Variants in ARHGEF16 observed in about 807,000 individuals in gnomAD.
ARHGEF16 encodes the protein Rho guanine exchange factor (GEF) 16.
ARHGEF16 carries 59 observed loss-of-function variants against 74.1 expected under a neutral mutation model. The observed-to-expected ratio is 0.80, with a 90% confidence interval of 0.65 to 0.99. ARHGEF16 has a LOEUF of 0.99. Among genes scored for constraint, ARHGEF16 ranks in the 50% least tolerant of loss-of-function variants. The pLI, the probability that ARHGEF16 is intolerant of heterozygous loss-of-function variation, is 0.00. For missense variants in ARHGEF16, 948 were observed against 986.6 expected (o/e 0.96, Z 0.52); for synonymous variants, 415 against 412.6 (o/e 1.01, Z -0.07).
In ARHGEF16 at chr1:3,469,470, A is replaced by G; in HGVS notation, c.899A>G (p.Gln300Arg). The G allele has an allele frequency of 6.2e-7, 1 of 1,613,096 alleles. No individual in the cohort carries two copies. The highest frequency in any genetic ancestry group is 8.5e-7 in the Non-Finnish European group (1 of 1,179,978). ...ATCCTCACGTCGGAGTTCTCCTACC[A>G]GCACAGCCTGAGCATCCTGGTGGAG... The part of the protein sequence containing the change: ...FEILTSEFSY[Q>R]HSLSILVEEF... Residue 300 changes from glutamine (Q) to arginine (R), a missense_variant, in exon 6 of 15, where the codon CAG becomes CGG. Transcript: ENST00000378378.
At chr1:3,474,322 A>G in intron 8 of ARHGEF16, 1 of 273,960 alleles carries the variant, frequency 3.7e-6, no homozygotes, top group South Asian at 5.0e-5. Context: ...GACTGAGCTA[A>G]GCTTCCTGAG....
In ARHGEF16 at chr1:3,469,512, A is replaced by G. The variant is rs1415368028; in HGVS notation, c.941A>G (p.Lys314Arg). ...CTGGTGGAGGAGTTCCTGCAGTCCA[A>G]GGAGCTGCGGGCGACCGTGACCCAG... ...SILVEEFLQS[K>R]ELRATVTQME... is the part of the protein sequence containing the mutation. Residue 314 changes from lysine to arginine, a missense_variant, in exon 6 of 15, where the codon AAG becomes AGG. Transcript: ENST00000378378. 1.2e-6 allele frequency: 2 copies of G among 1,613,046 alleles called. No individual in the cohort carries two copies. Among genetic ancestry groups the G allele is most frequent in the South Asian group, 2.2e-5 (2 of 91,080 alleles).
At chr1:3,461,209 C>T (rs1204301432) in intron 1 of ARHGEF16, among the ~76,000 whole-genome samples, 3 of 152,196 alleles carry the variant, frequency 2.0e-5, no homozygotes, top group Admixed American at 6.5e-5. Flanking sequence ...ATGAAAGCAG[C>T]GAGTTTTCTC....
chr1:3,469,603 C>T lies in ARHGEF16; in HGVS notation c.1022+10C>T, dbSNP rs781746959. 40 of 1,612,376 alleles carry T rather than the reference C, an allele frequency of 2.5e-5. No individual in the cohort carries two copies. Among genetic ancestry groups the T allele is most frequent in the Middle Eastern group, 3.3e-4 (2 of 6,084 alleles). ...TGGGTGCCAGTCAGAGGTGAGGCCA[C>T]GCCACAGCCTTCCACACAGGGTCCT... On this transcript the variant is annotated intron_variant, in intron 6 of 14. Transcript: ENST00000378378.
intron 7 of ARHGEF16, 72 bp from the exon 8 acceptor site, chr1:3,473,321 C>T (rs2153709): frequency 0.07 from 110,195 of 1,577,578 alleles, 5,163 homozygotes; most frequent in Admixed American, 0.2. Context: ...AGCCCAGCTT[C>T]TGCAGGTCCT....
chr1:3,476,899 G>A (rs969343875), intron 10 of ARHGEF16, among the ~76,000 whole-genome samples: 3 of 152,052 alleles, frequency 2.0e-5, no homozygotes, highest in African/African-American at 4.8e-5. Flanking sequence ...CGCCGCTGTC[G>A]CTGAGCCCAC....
chr1:3,466,278 C>T lies in ARHGEF16; in HGVS notation c.634+85C>T. On this transcript the variant is annotated intron_variant, in intron 3 of 14. Coordinates refer to ENST00000378378, the MANE Select transcript of ARHGEF16 (RefSeq NM_014448.4). ...GGCACCCTGGGGTTCGGGTGGGCCT[C>T]AGTTTGGTGTCTCGGGGTCACCAAA... 7.8e-6 allele frequency: 11 copies of T among 1,416,310 alleles called. 1 individual carries two copies. In the South Asian group the frequency reaches 1.5e-4, roughly 19 times the overall value. The allele number at this position is 1,416,310 out of a possible 1,614,324, so 87.7% of individuals were successfully genotyped here. A position where few individuals can be genotyped will look rare whatever the true frequency, so the allele number is the denominator to read the frequency against.
In ARHGEF16 at chr1:3,478,545, T is replaced by G. The variant is rs752045791; in HGVS notation, c.1747T>G (p.Phe583Val). 2 of 1,612,638 alleles carry G rather than the reference T, an allele frequency of 1.2e-6. No individual in the cohort carries two copies. The highest frequency in any genetic ancestry group is 3.3e-5 in the Admixed American group (2 of 60,022). Residue 583 changes from phenylalanine (F) to valine (V), a missense_variant, in exon 12 of 15, where the codon TTC becomes GTC. Transcript: ENST00000378378. ...CCGTAGCTCCTCCGTGCCCCACCCC[T>G]TCCAGGTGACCCTGCTTCGCAACAG... is the stretch of plus-strand genomic sequence containing the variant. Reference protein sequence around the residue: ...GNRSSSVPHPFQVTLLRNSEG... With the variant: ...GNRSSSVPHPVQVTLLRNSEG...
intron 6 of ARHGEF16, among the ~76,000 whole-genome samples, chr1:3,469,991 C>T (rs1461550181): frequency 2.0e-5 from 3 of 152,344 alleles, no homozygotes. Flanking sequence ...GGTCATGTTC[C>T]ACCCAAAGGT....
Position 3,480,676 on chromosome 1 carries a change from C to T in ARHGEF16, c.*89C>T. ...TCTAGAGAGCGTGGGGAGCTGGTCT[C>T]AAGGACCCAGCATGGTTCCCTGGGG... On this transcript the variant is annotated 3_prime_UTR_variant, in exon 15 of 15. Coordinates refer to ENST00000378378, the MANE Select transcript of ARHGEF16 (RefSeq NM_014448.4). 2 of 1,507,004 alleles carry T rather than the reference C, an allele frequency of 1.3e-6. No individual in the cohort carries two copies. Among genetic ancestry groups the T allele is most frequent in the Non-Finnish European group, 1.8e-6 (2 of 1,124,668 alleles). 93.4% of individuals were successfully genotyped at this position (1,507,004 alleles called of 1,614,324 possible).
At position 3,466,016 on chromosome 1, in the gene ARHGEF16, G is replaced by A. The variant is rs1297035824; in HGVS notation, c.589-132G>A. On this transcript the variant is annotated intron_variant, in intron 2 of 14. Transcript: ENST00000378378. ...CTCTGCTTGGCGGCCGTGAGGCCCT[G>A]TGGAGCTGACATCTATTGGGCACAG... 1.3e-5 allele frequency: 13 copies of A among 995,540 alleles called. No individual in the cohort carries two copies. In the Admixed American group the frequency reaches 1.6e-4, roughly 12 times the overall value. 61.7% of individuals were successfully genotyped at this position (995,540 alleles called of 1,614,324 possible). A position where few individuals can be genotyped will look rare whatever the true frequency, so the allele number is the denominator to read the frequency against.
At chr1:3,479,199 T>G (rs544736700) in intron 12 of ARHGEF16, among the ~76,000 whole-genome samples, 2 of 152,240 alleles carry the variant, frequency 1.3e-5, no homozygotes, top group African/African-American at 4.8e-5. Flanking sequence ...CTGGGCCGTT[T>G]CCAGATGAGG....
Position 3,460,719 on chromosome 1 carries a change from C to T in ARHGEF16, c.-19-2347C>T, listed in dbSNP as rs575976187. Among the ~76,000 whole-genome samples, 7 of 152,260 alleles carry T rather than the reference C, an allele frequency of 4.6e-5. No homozygotes were observed. The East Asian group carries it at 1.4e-3, about 29-fold the overall frequency. ...CCTGGGATGGTGCAGACCAGCGTCA[C>T]TCTGGTCAGTGTCATGGACACCAGC... On this transcript the variant is annotated intron_variant, in intron 1 of 14. Coordinates refer to ENST00000378378, the MANE Select transcript of ARHGEF16 (RefSeq NM_014448.4).
intron 10 of ARHGEF16, among the ~76,000 whole-genome samples, 191 bp downstream of exon 10, chr1:3,476,253 G>GCGC (rs1639871126): frequency 6.6e-6 from 1 of 152,154 alleles, no homozygotes; most frequent in Non-Finnish European, 1.5e-5. Flanking sequence ...CGATCTGGGA[G>GCGC]CGCCCCTTGT....
At chr1:3,476,093 G>A in intron 10 of ARHGEF16, 31 bp downstream of exon 10, 4 of 1,544,434 alleles carry the variant, frequency 2.6e-6, no homozygotes, top group Non-Finnish European at 2.6e-6. Context: ...GGGCCACTCG[G>A]ACCACTTCCC....
intron 6 of ARHGEF16, among the ~76,000 whole-genome samples, chr1:3,472,225 C>T (rs961026227): frequency 1.3e-5 from 2 of 152,246 alleles, no homozygotes; most frequent in Non-Finnish European, 2.9e-5. Flanking sequence ...GAGGCTCCAG[C>T]CACCGCCTCA....
chr1:3,466,091 G>A (rs1639535293), intron 2 of ARHGEF16, 57 bp from the exon 3 acceptor site: 29 of 1,536,016 alleles, frequency 1.9e-5, no homozygotes, highest in South Asian at 8.4e-5. Context: ...CAGAATCGCC[G>A]TGGGCAACAC....
Position 3,480,743 on chromosome 1 carries a change from T to A in ARHGEF16, c.*156T>A. 1 of 1,044,072 alleles carries A rather than the reference T, an allele frequency of 9.6e-7. No homozygotes were observed. The highest frequency in any genetic ancestry group is 1.3e-6 in the Non-Finnish European group (1 of 742,584). 64.7% of individuals were successfully genotyped at this position (1,044,072 alleles called of 1,614,324 possible). A position where few individuals can be genotyped will look rare whatever the true frequency, so the allele number is the denominator to read the frequency against. ...GGCTGTGGTGCCGGGCTCCAGACAC[T>A]TCACGGAAGGAAGATCACATGTCCC... On this transcript the variant is annotated 3_prime_UTR_variant, in exon 15 of 15. Coordinates refer to ENST00000378378, the MANE Select transcript of ARHGEF16 (RefSeq NM_014448.4).
At chr1:3,465,122 C>A (rs1639505462) in intron 2 of ARHGEF16, among the ~76,000 whole-genome samples, 1 of 152,244 alleles carries the variant, frequency 6.6e-6, no homozygotes, top group Non-Finnish European at 1.5e-5. Flanking sequence ...AGGCCCAGGC[C>A]CATGGGGCTC....
Sources: gnomAD v4.1 joint callset for allele counts (sites outside exome capture counted in the v4.1 genomes callset) on GRCh38, gnomAD v4.1.1 for gene constraint, MANE v1.5 for transcripts, NCBI Gene and HGNC (gene_info 2026-07-23, HGNC 2026-07-21) for gene names.